Variants in DOCK1 observed in about 807,000 individuals in gnomAD.
DOCK1 encodes dedicator of cytokinesis 1, also known as dedicator of cytokinesis protein 1.
Under a neutral mutation model 262.7 loss-of-function variants are expected in DOCK1, and 138 were observed. That is an observed-to-expected ratio of 0.53 (90% CI 0.46 to 0.61). The LOEUF (loss-of-function observed/expected upper bound fraction) is 0.61, where lower values mean the gene tolerates loss of function less well. Among genes scored for constraint, DOCK1 ranks in the 20% least tolerant of loss-of-function variants. The probability of loss-of-function intolerance (pLI) is 0.00; values close to 1 mark genes in which losing one functional copy is unlikely to be tolerated. For missense variants in DOCK1, 1,908 were observed against 2,370.7 expected (o/e 0.80, Z 4.05); for synonymous variants, 866 against 867.4 (o/e 1.00, Z 0.03).
intron 2 of DOCK1, among the ~76,000 whole-genome samples, chr10:126,976,886 A>G (rs2038585309): frequency 6.6e-6 from 1 of 152,044 alleles, no homozygotes; most frequent in Admixed American, 6.5e-5. Context: ...GGGGCTTACC[A>G]CCATGCTTGG....
intron 31 of DOCK1, 56 bp downstream of exon 31, chr10:127,343,802 T>G: frequency 5.2e-6 from 7 of 1,352,910 alleles, no homozygotes; most frequent in Non-Finnish European, 7.2e-6. Context: ...TCTAATCGCA[T>G]AATTTTCATG....
intron 32 of DOCK1, among the ~76,000 whole-genome samples, chr10:127,356,141 C>T (rs2064133886): frequency 6.6e-6 from 1 of 152,230 alleles, no homozygotes; most frequent in Non-Finnish European, 1.5e-5. Context: ...AGTACTGGGT[C>T]TCAGCTGTCA....
chr10:127,111,836 A>G (rs1424164907), intron 25 of DOCK1, among the ~76,000 whole-genome samples: 2 of 152,202 alleles, frequency 1.3e-5, no homozygotes, highest in Non-Finnish European at 2.9e-5. Context: ...CCGTCCATGA[A>G]TAACAATTGT....
chr10:127,214,207 G>T (rs936849953), intron 27 of DOCK1, among the ~76,000 whole-genome samples: 1 of 152,078 alleles, frequency 6.6e-6, no homozygotes, highest in Non-Finnish European at 1.5e-5. Flanking sequence ...CATATGTAGA[G>T]ATGACAAATC....
At chr10:127,121,224 T>A in intron 25 of DOCK1, among the ~76,000 whole-genome samples, 1 of 81,996 alleles carries the variant, frequency 1.2e-5, no homozygotes, top group African/African-American at 3.5e-5. Flanking sequence ...AGACCCCTCC[T>A]CCTTTTTTTT....
chr10:126,918,723 G>T (rs1300514943), intron 1 of DOCK1, among the ~76,000 whole-genome samples: 3 of 152,240 alleles, frequency 2.0e-5, no homozygotes, highest in Non-Finnish European at 4.4e-5. Flanking sequence ...TGTCCCGGGG[G>T]TAAGTGGGGC....
chr10:127,146,771 C>A (rs189764910), intron 27 of DOCK1, among the ~76,000 whole-genome samples: 1 of 152,158 alleles, frequency 6.6e-6, no homozygotes, highest in African/African-American at 2.4e-5. Context: ...AAGAGATAAT[C>A]GCTGAATGAC....
At position 127,262,072 on chromosome 10, in the gene DOCK1, A is replaced by G. The variant is rs1187142844; in HGVS notation, c.3044+4643A>G. ...TACCTGTGCTCTTCTGTGTGTGTGC[A>G]TGTGGGTGTGTGTGTGTACCCGTGC... On this transcript the variant is annotated intron_variant, in intron 29 of 51. Transcript: ENST00000623213. Among the ~76,000 whole-genome samples, 405 of 42,288 alleles carry G rather than the reference A, an allele frequency of 9.6e-3. 8 individuals are homozygous for G. The highest frequency in any genetic ancestry group is 0.034 in the African/African-American group (365 of 10,718). 27.7% of individuals were successfully genotyped at this position (42,288 alleles called of 152,430 possible).
intron 16 of DOCK1, among the ~76,000 whole-genome samples, chr10:127,030,210 A>G (rs1280973544): frequency 1.3e-5 from 2 of 152,194 alleles, no homozygotes; most frequent in Non-Finnish European, 2.9e-5. Flanking sequence ...CCTTTCATCT[A>G]TAAAGAGAAA....
chr10:127,076,273 G>A (rs544784772), intron 23 of DOCK1, among the ~76,000 whole-genome samples: 6 of 152,324 alleles, frequency 3.9e-5, no homozygotes, highest in South Asian at 2.1e-4. Context: ...AGGCCGAGGT[G>A]GGCGGATCAC....
chr10:127,436,268 G>C (rs1476319934), intron 48 of DOCK1, among the ~76,000 whole-genome samples: 1 of 152,140 alleles, frequency 6.6e-6, no homozygotes, highest in Admixed American at 6.6e-5. Flanking sequence ...TAAAATCCCA[G>C]CACTTTGGGA....
chr10:127,300,442 G>A (rs990645425), intron 29 of DOCK1, among the ~76,000 whole-genome samples: 7 of 152,192 alleles, frequency 4.6e-5, no homozygotes, highest in Admixed American at 6.5e-5. Flanking sequence ...ATTGGGGACT[G>A]CAGAGGAGAC....
intron 23 of DOCK1, among the ~76,000 whole-genome samples, chr10:127,088,602 A>G (rs1364963087): frequency 6.6e-6 from 1 of 152,208 alleles, no homozygotes; most frequent in Non-Finnish European, 1.5e-5. Flanking sequence ...GGGAAAGAGA[A>G]TGTGAAAGGT....
chr10:127,220,907 T>C (rs1237131179), intron 27 of DOCK1, among the ~76,000 whole-genome samples: 4 of 152,178 alleles, frequency 2.6e-5, no homozygotes, highest in African/African-American at 9.7e-5. Context: ...AGCAGAGCTC[T>C]CCTCTCTCTA....
At chr10:127,036,044 A>AAATC (rs747334299) in intron 18 of DOCK1, among the ~76,000 whole-genome samples, 7 of 98,856 alleles carry the variant, frequency 7.1e-5, no homozygotes, top group African/African-American at 2.3e-4. Context: ...ATAAATAAAT[A>AAATC]AAAAAGAGTA....
intron 1 of DOCK1, among the ~76,000 whole-genome samples, chr10:126,957,155 T>C (rs1333007487): frequency 6.6e-6 from 1 of 152,234 alleles, no homozygotes; most frequent in Non-Finnish European, 1.5e-5. Flanking sequence ...TAATCTTCAA[T>C]TTTACTTTTT....
At chr10:127,445,311 C>T (rs1387701084) in intron 50 of DOCK1, among the ~76,000 whole-genome samples, 1 of 152,142 alleles carries the variant, frequency 6.6e-6, no homozygotes, top group Non-Finnish European at 1.5e-5. Context: ...GTGGCGAGGG[C>T]TGTGCAAGGC....
intron 29 of DOCK1, among the ~76,000 whole-genome samples, chr10:127,277,668 C>G (rs949035586): frequency 7.9e-5 from 12 of 152,110 alleles, no homozygotes; most frequent in African/African-American, 2.9e-4. Flanking sequence ...GAGGCTGAGG[C>G]AGGAGAATCG....
chr10:127,418,271 G>A, intron 44 of DOCK1, 94 bp from the exon 45 acceptor site: 2 of 1,377,542 alleles, frequency 1.5e-6, no homozygotes, highest in Non-Finnish European at 9.6e-7. Flanking sequence ...CGGAGGAGCA[G>A]GAAGCCTGCC....
Sources: gnomAD v4.1 joint callset for allele counts (sites outside exome capture counted in the v4.1 genomes callset) on GRCh38, gnomAD v4.1.1 for gene constraint, MANE v1.5 for transcripts, NCBI Gene and HGNC (gene_info 2026-07-23, HGNC 2026-07-21) for gene names.